The following RTF2 variants were observed in gnomAD, a reference collection of about 807,000 sequenced individuals.
RTF2 encodes UPF0549 protein C20orf43.
RTF2 carries 18 observed loss-of-function variants against 38.0 expected under a neutral mutation model. The ratio of observed to expected loss-of-function variants is 0.47; its 90% CI spans 0.33 to 0.70. The LOEUF is 0.70. Ranked by LOEUF, RTF2 falls within the 30% of genes least tolerant of loss-of-function variation. The probability of loss-of-function intolerance (pLI) is 0.02; values close to 1 mark genes in which losing one functional copy is unlikely to be tolerated. For synonymous variants in RTF2, 126 were observed against 137.1 expected (o/e 0.92, Z 0.57); for missense variants, 311 against 379.6 (o/e 0.82, Z 1.50).
rs184783360 is a variant in RTF2, at chr20:56,479,951, C to T, written c.398+2827C>T. ...CGAGAGTACAGGCAGAGTAGACTTA[C>T]CATCATTCTTAAGAACCCTAGGGTT... On this transcript the variant is annotated intron_variant, in intron 4 of 8. Coordinates refer to ENST00000357348, the MANE Select transcript of RTF2 (RefSeq NM_016407.5). Among the ~76,000 whole-genome samples, 128 of 151,772 alleles carry T rather than the reference C, an allele frequency of 8.4e-4. No individual in the cohort carries two copies. The Middle Eastern group carries it at 0.024, about 28-fold the overall frequency.
intron 5 of RTF2, among the ~76,000 whole-genome samples, chr20:56,499,786 G>C (rs745931356): frequency 3.3e-5 from 5 of 151,956 alleles, no homozygotes; most frequent in Non-Finnish European, 7.4e-5. Context: ...ACCCAGGCTG[G>C]AGTGAAGTGG....
Position 56,491,945 on chromosome 20 carries a change from A to G in RTF2, c.477+7756A>G, listed in dbSNP as rs1181295147. On this transcript the variant is annotated intron_variant, in intron 5 of 8. Coordinates refer to ENST00000357348, the MANE Select transcript of RTF2 (RefSeq NM_016407.5). ...CATGATTGCCTTGACAGGGGCTTTT[A>G]TGTTGAATTTTGAACTTACGGTGGA... Among the ~76,000 whole-genome samples the G allele has an allele frequency of 2.6e-5, 4 of 152,220 alleles. No individual in the cohort carries two copies. In the East Asian group the frequency reaches 7.7e-4, roughly 29 times the overall value.
At chr20:56,494,746 T>A (rs1481325645) in intron 5 of RTF2, among the ~76,000 whole-genome samples, 1 of 152,224 alleles carries the variant, frequency 6.6e-6, no homozygotes, top group Non-Finnish European at 1.5e-5. Flanking sequence ...TTTTTGTTTG[T>A]CTCCAATCTG....
chr20:56,518,445 G>A lies in RTF2; in HGVS notation c.*180G>A, dbSNP rs1985193956. The A allele has an allele frequency of 1.7e-6, 1 of 585,530 alleles. No individual in the cohort carries two copies. Among genetic ancestry groups the A allele is most frequent in the Non-Finnish European group, 2.9e-6 (1 of 348,442 alleles). 36.3% of individuals were successfully genotyped at this position (585,530 alleles called of 1,614,324 possible). On this transcript the variant is annotated 3_prime_UTR_variant, in exon 9 of 9. Transcript: ENST00000357348. ...GATGTGAGGCGTGTCGGTTCCAGGG[G>A]GGACATGGGAGGGGCTGCACAGTGG...
At position 56,468,686 on chromosome 20, in the gene RTF2, T is replaced by C; in HGVS notation, c.-12T>C. On this transcript the variant is annotated 5_prime_UTR_variant, in exon 1 of 9. Coordinates refer to ENST00000357348, the MANE Select transcript of RTF2 (RefSeq NM_016407.5). ...TTGGGGGTTTGCTGCTGGCTCTGAC[T>C]CCCGTCCTGCGATGGGTTGCGACGG... 1 of 1,570,492 alleles carries C rather than the reference T, an allele frequency of 6.4e-7. No individual in the cohort carries two copies.
intron 1 of RTF2, chr20:56,470,939 A>G: frequency 4.2e-6 from 1 of 237,346 alleles, no homozygotes; most frequent in Non-Finnish European, 9.0e-6. Context: ...TAAATCAGCA[A>G]TGGTAACTAA....
At chr20:56,492,605 G>A (rs1386342662) in intron 5 of RTF2, among the ~76,000 whole-genome samples, 2 of 151,448 alleles carry the variant, frequency 1.3e-5, no homozygotes, top group African/African-American at 4.8e-5. Context: ...GGAATCCAGT[G>A]GTGACTGGAT....
chr20:56,496,941 C>T (rs1184717384), intron 5 of RTF2: 1 of 1,551,124 alleles, frequency 6.4e-7, no homozygotes, highest in Admixed American at 2.0e-5. Flanking sequence ...ACTCCATTTG[C>T]TTCTGATGTA....
At chr20:56,475,325 C>T (rs1004278788) in intron 3 of RTF2, among the ~76,000 whole-genome samples, 3 of 152,326 alleles carry the variant, frequency 2.0e-5, no homozygotes, top group Non-Finnish European at 4.4e-5. Flanking sequence ...CTTCATCTCA[C>T]TGTAAATGAC....
intron 5 of RTF2, among the ~76,000 whole-genome samples, chr20:56,501,642 A>G (rs953353854): frequency 1.4e-4 from 21 of 152,194 alleles, no homozygotes; most frequent in Admixed American, 1.3e-3. Flanking sequence ...AACAGTTTCT[A>G]AAATTTGGGG....
At chr20:56,500,279 C>G (rs946662732) in intron 5 of RTF2, among the ~76,000 whole-genome samples, 33 of 152,168 alleles carry the variant, frequency 2.2e-4, no homozygotes, top group Admixed American at 3.9e-4. Flanking sequence ...GTCTCGAACT[C>G]CTGACCTCAG....
chr20:56,495,056 G>A (rs545599290), intron 5 of RTF2: 2 of 598,034 alleles, frequency 3.3e-6, no homozygotes, highest in African/African-American at 3.7e-5. Context: ...TTAAAAAATT[G>A]ACTCAACCTA....
At chr20:56,471,383 A>G (rs2146311916) in intron 1 of RTF2, among the ~76,000 whole-genome samples, 1 of 152,292 alleles carries the variant, frequency 6.6e-6, no homozygotes, top group African/African-American at 2.4e-5. Context: ...CCTGGCTAAC[A>G]CAGTGAAACC....
intron 5 of RTF2, among the ~76,000 whole-genome samples, chr20:56,485,755 C>T (rs1057446925): frequency 6.6e-6 from 1 of 152,138 alleles, no homozygotes; most frequent in South Asian, 2.1e-4. Flanking sequence ...TTGTGGCTCC[C>T]GTATTAAGAT....
At chr20:56,484,751 G>A (rs1236037674) in intron 5 of RTF2, among the ~76,000 whole-genome samples, 1 of 152,240 alleles carries the variant, frequency 6.6e-6, no homozygotes. Flanking sequence ...CAGCTCACGT[G>A]GAGGAAATAC....
chr20:56,504,766 G>A (rs562552144), intron 5 of RTF2, among the ~76,000 whole-genome samples: 120 of 152,156 alleles, frequency 7.9e-4, no homozygotes, highest in Non-Finnish European at 1.4e-3. Context: ...TAAGAATATC[G>A]GCACCAAGAG....
intron 5 of RTF2, chr20:56,496,583 A>C (rs6069763): frequency 2.8e-6 from 4 of 1,446,090 alleles, no homozygotes; most frequent in Non-Finnish European, 1.8e-6. Flanking sequence ...CAATCAATCT[A>C]TCTGCTGCTG....
intron 5 of RTF2, among the ~76,000 whole-genome samples, chr20:56,500,526 G>A (rs1392428692): frequency 6.6e-6 from 1 of 152,182 alleles, no homozygotes; most frequent in Non-Finnish European, 1.5e-5. Context: ...GAGGCCCCAA[G>A]GGTAGCCATT....
intron 1 of RTF2, 22 bp downstream of exon 1, chr20:56,468,788 T>G (rs1201620069): frequency 6.4e-7 from 1 of 1,556,408 alleles, no homozygotes. Flanking sequence ...GGGCCGGCTC[T>G]TGGCGACCGG....
Sources: gnomAD v4.1 joint callset for allele counts (sites outside exome capture counted in the v4.1 genomes callset) on GRCh38, gnomAD v4.1.1 for gene constraint, MANE v1.5 for transcripts, NCBI Gene and HGNC (gene_info 2026-07-23, HGNC 2026-07-21) for gene names.